SLC35F3: variants seen among roughly 807,000 people sequenced by gnomAD.
The protein encoded by SLC35F3 is putative thiamine transporter SLC35F3.
In SLC35F3, 25 loss-of-function variants were observed where a neutral mutation model predicts 49.9. That is an observed-to-expected ratio of 0.50 (90% CI 0.37 to 0.70). The LOEUF is 0.70. Ranked by LOEUF, SLC35F3 falls within the 30% of genes least tolerant of loss-of-function variation. The pLI, the probability that SLC35F3 is intolerant of heterozygous loss-of-function variation, is 0.00. For synonymous variants in SLC35F3, 275 were observed against 265.4 expected, an observed-to-expected ratio of 1.04 and a Z score of -0.35; for missense variants, 525 against 639.8, an observed-to-expected ratio of 0.82 and a Z score of 1.94.
At chr1:234,267,282 C>G (rs1667999506) in intron 3 of SLC35F3, among the ~76,000 whole-genome samples, 1 of 128,578 alleles carries the variant, frequency 7.8e-6, no homozygotes, top group Admixed American at 7.8e-5. Context: ...CTACTTCTAT[C>G]CACACAGACC....
chr1:234,120,843 C>T (rs562905296), intron 2 of SLC35F3, among the ~76,000 whole-genome samples: 6 of 152,268 alleles, frequency 3.9e-5, no homozygotes, highest in African/African-American at 1.4e-4. Flanking sequence ...TATTTACAAT[C>T]GAGGGATCTT....
intron 2 of SLC35F3, among the ~76,000 whole-genome samples, chr1:233,965,688 T>TC (rs1662892817): frequency 6.6e-6 from 1 of 152,098 alleles, no homozygotes; most frequent in African/African-American, 2.4e-5. Flanking sequence ...AGTGGATTCT[T>TC]CCCCACTCCA....
intron 3 of SLC35F3, among the ~76,000 whole-genome samples, chr1:234,293,519 A>G (rs556028558): frequency 5.2e-4 from 79 of 152,350 alleles, no homozygotes; most frequent in South Asian, 1.0e-3. Context: ...GGGAGCACAC[A>G]TTTAGATGGT....
chr1:234,040,483 C>T (rs1337397649), intron 2 of SLC35F3, among the ~76,000 whole-genome samples: 4 of 152,208 alleles, frequency 2.6e-5, no homozygotes, highest in Non-Finnish European at 5.9e-5. Context: ...CCCCTGTCTG[C>T]CTAGAGTTTC....
chr1:233,969,997 C>T (rs888847337), intron 2 of SLC35F3, among the ~76,000 whole-genome samples: 2 of 152,236 alleles, frequency 1.3e-5, no homozygotes, highest in Non-Finnish European at 2.9e-5. Context: ...GCTCCTGCCT[C>T]ATCGGATGCC....
At chr1:234,141,198 T>C (rs1214382145) in intron 2 of SLC35F3, among the ~76,000 whole-genome samples, 1 of 152,184 alleles carries the variant, frequency 6.6e-6, no homozygotes, top group Non-Finnish European at 1.5e-5. Context: ...AGAAGGTCTA[T>C]GATAAGTGAA....
chr1:233,955,517 T>C (rs1198791145), intron 2 of SLC35F3, among the ~76,000 whole-genome samples: 4 of 152,170 alleles, frequency 2.6e-5, no homozygotes, highest in African/African-American at 9.7e-5. Flanking sequence ...CTGTGACATT[T>C]GTGGGCTTGG....
intron 2 of SLC35F3, among the ~76,000 whole-genome samples, chr1:233,950,189 A>T (rs1258118683): frequency 6.6e-6 from 1 of 151,904 alleles, no homozygotes; most frequent in Non-Finnish European, 1.5e-5. Context: ...GATCGAAACC[A>T]TCCTGGCTAA....
intron 2 of SLC35F3, among the ~76,000 whole-genome samples, chr1:233,926,159 C>T (rs951260442): frequency 6.6e-6 from 1 of 152,036 alleles, no homozygotes; most frequent in African/African-American, 2.4e-5. Context: ...CTCTGTATTT[C>T]CTGAATTTGA....
intron 3 of SLC35F3, among the ~76,000 whole-genome samples, chr1:234,267,686 C>T (rs1404829510): frequency 6.6e-6 from 1 of 151,824 alleles, no homozygotes; most frequent in African/African-American, 2.4e-5. Flanking sequence ...GGAGACGCTC[C>T]TCACTTCCCA....
At chr1:234,007,435 G>A (rs76678296) in intron 2 of SLC35F3, among the ~76,000 whole-genome samples, 2,025 of 152,246 alleles carry the variant, frequency 0.013, 49 homozygotes, top group African/African-American at 0.046. Context: ...GCCTAGTGTG[G>A]GTGCAGAAGC....
chr1:234,035,933 G>A (rs959306996), intron 2 of SLC35F3, among the ~76,000 whole-genome samples: 2 of 152,122 alleles, frequency 1.3e-5, no homozygotes, highest in Non-Finnish European at 1.5e-5. Context: ...TCAAATTAAA[G>A]AATAAATAAA....
chr1:233,935,779 C>G (rs889599856), intron 2 of SLC35F3, among the ~76,000 whole-genome samples: 5 of 152,142 alleles, frequency 3.3e-5, no homozygotes, highest in African/African-American at 1.2e-4. Context: ...AGACATCCAC[C>G]TATTCCAAAT....
At chr1:234,173,265 C>T (rs752904859) in intron 2 of SLC35F3, among the ~76,000 whole-genome samples, 25 of 152,276 alleles carry the variant, frequency 1.6e-4, no homozygotes, top group Admixed American at 9.2e-4. Flanking sequence ...GATTATTATA[C>T]GCCAGATGTT....
chr1:233,980,168 G>A (rs7541879), intron 2 of SLC35F3, among the ~76,000 whole-genome samples: 22,591 of 152,182 alleles, frequency 0.15, 2,403 homozygotes, highest in African/African-American at 0.29. Flanking sequence ...GAAGGATGAG[G>A]AGGACTTTGG....
At chr1:234,089,799 C>T (rs1165507377) in intron 2 of SLC35F3, among the ~76,000 whole-genome samples, 2 of 152,008 alleles carry the variant, frequency 1.3e-5, no homozygotes, top group Admixed American at 1.3e-4. Context: ...ACCCTTGTCA[C>T]CCATGGGGCA....
intron 2 of SLC35F3, among the ~76,000 whole-genome samples, chr1:234,228,396 C>T (rs924879592): frequency 5.3e-5 from 8 of 152,310 alleles, no homozygotes; most frequent in Admixed American, 2.0e-4. Flanking sequence ...CTATTTTACA[C>T]GTAATTGTTC....
chr1:234,214,145 T>C lies in SLC35F3; in HGVS notation c.284-17272T>C. 9.5e-7 allele frequency: 1 copy of C among 1,051,290 alleles called. No individual in the cohort carries two copies. The highest frequency in any genetic ancestry group is 1.1e-6 in the Non-Finnish European group (1 of 873,320). The allele number at this position is 1,051,290 out of a possible 1,614,324, so 65.1% of individuals were successfully genotyped here. A position where few individuals can be genotyped will look rare whatever the true frequency, so the allele number is the denominator to read the frequency against. On this transcript the variant is annotated intron_variant, in intron 2 of 7. Coordinates refer to ENST00000366618, the MANE Select transcript of SLC35F3 (RefSeq NM_173508.4). This position sits in a 1 kb window ranked among gnomAD's most constrained non-coding sequence, Gnocchi z 8.0. The stretch of plus-strand genomic sequence containing the variant: ...AAGACAGGGATGAGGGCTGCGGGGC[T>C]GGGCGTCCCGGGGAGGAGGGCGGAG...
chr1:233,906,112 G>T (rs952472600), intron 2 of SLC35F3, among the ~76,000 whole-genome samples: 3 of 152,214 alleles, frequency 2.0e-5, no homozygotes, highest in African/African-American at 7.2e-5. Context: ...GGATCTGAAA[G>T]TCTCACAGGG....
Sources: gnomAD v4.1 joint callset for allele counts (sites outside exome capture counted in the v4.1 genomes callset) on GRCh38, gnomAD v4.1.1 for gene constraint, Gnocchi (gnomAD v3.1) non-coding constraint, MANE v1.5 for transcripts, NCBI Gene and HGNC (gene_info 2026-07-23, HGNC 2026-07-21) for gene names.